Variants in PRKCB observed in about 807,000 individuals in gnomAD.
The protein encoded by PRKCB is protein kinase C beta, also known as protein kinase C beta type.
A neutral mutation model predicts 81.5 loss-of-function variants in PRKCB; 13 were observed. The observed-to-expected ratio is 0.16, with a 90% confidence interval of 0.10 to 0.25. The LOEUF (loss-of-function observed/expected upper bound fraction) is 0.25, where lower values mean the gene tolerates loss of function less well. Among genes scored for constraint, PRKCB ranks in the 10% least tolerant of loss-of-function variants. PRKCB has a pLI of 1.00. For missense variants in PRKCB, 509 were observed against 875.7 expected (o/e 0.58, Z 5.29); for synonymous variants, 335 against 321.4 (o/e 1.04, Z -0.45).
chr16:23,840,023 C>T (rs544072472), intron 2 of PRKCB, among the ~76,000 whole-genome samples: 1 of 152,180 alleles, frequency 6.6e-6, no homozygotes, highest in Admixed American at 6.5e-5. Context: ...ACAGCATATT[C>T]CATTTGGGCA....
In PRKCB at chr16:24,220,443, T is replaced by C. The variant is rs1968305177; in HGVS notation, c.*5627T>C. On this transcript the variant is annotated 3_prime_UTR_variant, in exon 17 of 17. Transcript: ENST00000643927. ...AATTTTTCAAGTCAGAAGCTGATGTTCCTGGTAAAAGTTTTTACAGTTATT... is the reference window on the plus strand; with the variant it reads ...AATTTTTCAAGTCAGAAGCTGATGTCCCTGGTAAAAGTTTTTACAGTTATT... 2 of 187,452 alleles carry C rather than the reference T, an allele frequency of 1.1e-5. No homozygotes were observed. The allele number at this position is 187,452 out of a possible 1,614,324, so 11.6% of individuals were successfully genotyped here.
chr16:23,919,820 C>A (rs1278287620), intron 2 of PRKCB, among the ~76,000 whole-genome samples: 2 of 152,144 alleles, frequency 1.3e-5, no homozygotes, highest in East Asian at 3.8e-4. Flanking sequence ...CACATTGTTG[C>A]GTGTGTCAGA....
At chr16:23,901,804 T>C (rs10444991) in intron 2 of PRKCB, among the ~76,000 whole-genome samples, 142,587 of 152,210 alleles carry the variant, frequency 0.94, 66,848 homozygotes, top group East Asian at 1. Context: ...CCTGCAATGA[T>C]CATTCCCCAA....
chr16:24,117,780 C>G (rs1028545129), intron 8 of PRKCB, among the ~76,000 whole-genome samples: 2 of 152,170 alleles, frequency 1.3e-5, no homozygotes, highest in African/African-American at 4.8e-5. Context: ...AAGCAGACTA[C>G]TGCTGTGGGC....
In PRKCB at chr16:23,963,258, C is replaced by T. The variant is rs571602399; in HGVS notation, c.206-25250C>T. On this transcript the variant is annotated intron_variant, in intron 2 of 16. Transcript: ENST00000643927. ...TCTAAAATGGAGACAATGACGGTTC[C>T]TCCCTCACTGAGCACTTGTGAGAAG... 8 of 152,352 alleles carry T rather than the reference C, an allele frequency of 5.3e-5. No homozygotes were observed. The South Asian group carries it at 1.4e-3, about 28-fold the overall frequency. 9.4% of individuals were successfully genotyped at this position (152,352 alleles called of 1,614,324 possible).
intron 2 of PRKCB, among the ~76,000 whole-genome samples, chr16:23,847,915 GA>G (rs1409636544): frequency 6.6e-6 from 1 of 152,220 alleles, no homozygotes; most frequent in Non-Finnish European, 1.5e-5. Context: ...AAACACTTTG[GA>G]TGGCATCCCT....
intron 10 of PRKCB, among the ~76,000 whole-genome samples, chr16:24,158,734 C>T (rs973762553): frequency 4.6e-5 from 7 of 152,034 alleles, no homozygotes; most frequent in Non-Finnish European, 1.0e-4. Flanking sequence ...TCATAGCTCA[C>T]TGCAGCCTTG....
chr16:23,865,466 CATATATAT>C (rs375074228), intron 2 of PRKCB, among the ~76,000 whole-genome samples: 183 of 35,976 alleles, frequency 5.1e-3, no homozygotes, highest in Non-Finnish European at 6.5e-3. Context: ...CAATGCCCGG[CATATATAT>C]ATATATATAT....
intron 2 of PRKCB, among the ~76,000 whole-genome samples, chr16:23,944,681 G>T (rs1052891562): frequency 6.6e-6 from 1 of 152,164 alleles, no homozygotes; most frequent in African/African-American, 2.4e-5. Flanking sequence ...CTGCCACTTT[G>T]GGTGGCTGGA....
At chr16:23,991,354 T>C (rs1466258764) in intron 3 of PRKCB, among the ~76,000 whole-genome samples, 1 of 152,204 alleles carries the variant, frequency 6.6e-6, no homozygotes, top group Admixed American at 6.5e-5. Flanking sequence ...CTGTTTGTCA[T>C]GTTCTCTCAG....
intron 2 of PRKCB, among the ~76,000 whole-genome samples, chr16:23,854,485 C>T (rs1048921024): frequency 6.6e-6 from 1 of 152,134 alleles, no homozygotes; most frequent in African/African-American, 2.4e-5. Context: ...ATTTACCTTC[C>T]TGGGGCCTCA....
In PRKCB at chr16:24,216,564, T is replaced by C. The variant is rs1968231455; in HGVS notation, c.*1748T>C. On this transcript the variant is annotated 3_prime_UTR_variant, in exon 17 of 17. Coordinates refer to ENST00000643927, the MANE Select transcript of PRKCB (RefSeq NM_002738.7). ...GGGAACTTTAACAACTTGACAAATG[T>C]CCTTGAAGTAAGATGCCTCATCTTT... 2 of 985,348 alleles carry C rather than the reference T, an allele frequency of 2.0e-6. No individual in the cohort carries two copies. Among genetic ancestry groups the C allele is most frequent in the African/African-American group, 3.5e-5 (2 of 57,248 alleles). 61.0% of individuals were successfully genotyped at this position (985,348 alleles called of 1,614,324 possible).
At chr16:24,011,037 T>A (rs953662006) in intron 3 of PRKCB, among the ~76,000 whole-genome samples, 1 of 152,204 alleles carries the variant, frequency 6.6e-6, no homozygotes, top group African/African-American at 2.4e-5. Context: ...GTTGATTTTT[T>A]AATTTTTTTG....
At chr16:24,133,107 G>C (rs1375060988) in intron 9 of PRKCB, among the ~76,000 whole-genome samples, 1 of 152,132 alleles carries the variant, frequency 6.6e-6, no homozygotes. Context: ...GCCAGGTGCA[G>C]TGGCTCACAC....
At chr16:24,193,272 A>G (rs1967821801) in intron 16 of PRKCB, among the ~76,000 whole-genome samples, 1 of 151,838 alleles carries the variant, frequency 6.6e-6, no homozygotes, top group Non-Finnish European at 1.5e-5. Context: ...GTAAAACCCC[A>G]TCTCTACTAA....
chr16:24,021,273 TTTC>T lies in PRKCB; in HGVS notation c.289-10860_289-10858del, dbSNP rs1364495565. On this transcript the variant is annotated intron_variant, in intron 3 of 16. Transcript: ENST00000643927. Reference sequence around the variant, plus strand: ...TTCTTCCTTTCTTCCTTTCTTTTTCTTTCTTTTCTCCCTCTCCCTCCCTTCCTT... The same window carrying T: ...TTCTTCCTTTCTTCCTTTCTTTTTCTTTTTCTCCCTCTCCCTCCCTTCCTT... Among the ~76,000 whole-genome samples the T allele has an allele frequency of 2.4e-4, 32 of 132,770 alleles. 3 individuals are homozygous for T. Among genetic ancestry groups the T allele is most frequent in the Middle Eastern group, 7.2e-3 (2 of 278 alleles). 87.1% of individuals were successfully genotyped at this position (132,770 alleles called of 152,430 possible).
chr16:24,020,333 T>G (rs1965342020), intron 3 of PRKCB, among the ~76,000 whole-genome samples: 1 of 152,236 alleles, frequency 6.6e-6, no homozygotes, highest in South Asian at 2.1e-4. Flanking sequence ...AAATATCAAG[T>G]AAATATTATG....
chr16:24,014,876 C>T (rs1184774375), intron 3 of PRKCB, among the ~76,000 whole-genome samples: 1 of 152,172 alleles, frequency 6.6e-6, no homozygotes, highest in Non-Finnish European at 1.5e-5. Flanking sequence ...TCACTGCAAC[C>T]TCCACCTCCT....
chr16:24,214,523 A>G, intron 16 of PRKCB, 135 bp from the exon 17 acceptor site: 2 of 738,588 alleles, frequency 2.7e-6, no homozygotes, highest in Non-Finnish European at 2.2e-6. Flanking sequence ...ATCATTTGAA[A>G]CAACCTCTCT....
Sources: allele counts gnomAD v4.1 joint callset (sites outside exome capture counted in the v4.1 genomes callset), GRCh38; gene constraint gnomAD v4.1.1; transcripts MANE v1.5; gene names NCBI Gene and HGNC (gene_info 2026-07-23, HGNC 2026-07-21).